The following MICU2 variants were observed in gnomAD, a reference collection of about 807,000 sequenced individuals.
The protein encoded by MICU2 is mitochondrial calcium uptake 2, also known as calcium uptake protein 2, mitochondrial.
A neutral mutation model predicts 60.4 loss-of-function variants in MICU2; 64 were observed. The observed-to-expected ratio is 1.06, with a 90% CI of 0.87 to 1.31. The LOEUF is 1.31. Ranked by LOEUF, MICU2 falls within the 50% of genes most tolerant of loss-of-function variation. MICU2 has a pLI of 0.00. For missense variants in MICU2, 569 were observed against 531.0 expected (o/e 1.07, Z -0.70); for synonymous variants, 201 against 175.0 (o/e 1.15, Z -1.17).
At chr13:21,548,456 T>C (rs1887465566) in intron 2 of MICU2, among the ~76,000 whole-genome samples, 2 of 152,248 alleles carry the variant, frequency 1.3e-5, no homozygotes, top group South Asian at 4.1e-4. Context: ...AAGGCTTTAA[T>C]CTTTTAAAAT....
chr13:21,527,552 A>G (rs9552445), intron 4 of MICU2, among the ~76,000 whole-genome samples: 25,792 of 152,252 alleles, frequency 0.17, 3,628 homozygotes, highest in East Asian at 0.66. Flanking sequence ...TAGTTCTACA[A>G]CAGCATTCTA....
rs142627635 is a variant in MICU2 at position 21,510,033 on chromosome 13, T to C, written c.732A>G (p.Gln244=). 181 of 1,544,754 alleles carry C rather than the reference T, an allele frequency of 1.2e-4. No individual in the cohort carries two copies. Among genetic ancestry groups the C allele is most frequent in the Non-Finnish European group, 1.5e-4 (173 of 1,152,106 alleles). Residue 244 remains glutamine, a synonymous_variant, in exon 8 of 12, where the codon CAA becomes CAG. Coordinates refer to ENST00000382374, the MANE Select transcript of MICU2 (RefSeq NM_152726.3). The part of the protein sequence containing the change: ...LQMRFFGKRG[Q]RKLHYKEFRR... ...GAAATTCTTTATAATGAAGTTTTCT[T>C]TGTCCTCTTTTTCCAAAGAAACGCA...
At chr13:21,519,614 G>C (rs908980383) in intron 6 of MICU2, among the ~76,000 whole-genome samples, 16 of 152,088 alleles carry the variant, frequency 1.1e-4, no homozygotes, top group African/African-American at 3.6e-4. Context: ...TATACTTTCA[G>C]GACTTAATTA....
At chr13:21,519,323 G>A (rs1886658567) in intron 6 of MICU2, among the ~76,000 whole-genome samples, 1 of 152,140 alleles carries the variant, frequency 6.6e-6, no homozygotes, top group South Asian at 2.1e-4. Flanking sequence ...CTCCCAAAGG[G>A]CTGGGATTAC....
At chr13:21,598,267 G>A (rs1027864662) in intron 1 of MICU2, among the ~76,000 whole-genome samples, 1 of 152,018 alleles carries the variant, frequency 6.6e-6, no homozygotes, top group Non-Finnish European at 1.5e-5. Context: ...AAAATTTAGG[G>A]AGTAAATGAA....
At chr13:21,560,024 C>G (rs922943801) in intron 2 of MICU2, among the ~76,000 whole-genome samples, 2 of 152,144 alleles carry the variant, frequency 1.3e-5, no homozygotes, top group Non-Finnish European at 2.9e-5. Flanking sequence ...TGAATGCCTA[C>G]TTACTACTTC....
chr13:21,525,957 C>T (rs1223923978), intron 4 of MICU2, among the ~76,000 whole-genome samples: 1 of 145,588 alleles, frequency 6.9e-6, no homozygotes, highest in Admixed American at 6.7e-5. Context: ...TATTTTTTAA[C>T]AAGGTCTCAC....
chr13:21,561,701 T>A (rs1887846625), intron 2 of MICU2, among the ~76,000 whole-genome samples: 1 of 151,480 alleles, frequency 6.6e-6, no homozygotes, highest in Non-Finnish European at 1.5e-5. Flanking sequence ...TTTTTTTTTT[T>A]TTTTAGTCTC....
At chr13:21,497,076 A>G (rs540736254) in intron 9 of MICU2, among the ~76,000 whole-genome samples, 1 of 150,690 alleles carries the variant, frequency 6.6e-6, no homozygotes, top group Admixed American at 6.6e-5. Context: ...AATACATAAC[A>G]AACAAACAAA....
intron 2 of MICU2, among the ~76,000 whole-genome samples, chr13:21,557,346 T>C (rs1887732502): frequency 1.3e-5 from 2 of 151,888 alleles, no homozygotes; most frequent in South Asian, 2.1e-4. Flanking sequence ...AGAAGGGAAA[T>C]GGTATTCTGG....
intron 2 of MICU2, among the ~76,000 whole-genome samples, chr13:21,560,702 C>A (rs934681201): frequency 3.3e-5 from 5 of 152,096 alleles, no homozygotes; most frequent in African/African-American, 9.7e-5. Context: ...ATTGCAATTA[C>A]ACTGAATTTA....
intron 1 of MICU2, among the ~76,000 whole-genome samples, chr13:21,600,505 CT>C (rs1267039885): frequency 6.6e-6 from 1 of 152,218 alleles, no homozygotes; most frequent in African/African-American, 2.4e-5. Context: ...CCCCATTAAA[CT>C]GTAAGCACAT....
At chr13:21,581,564 T>C (rs1339679223) in intron 1 of MICU2, among the ~76,000 whole-genome samples, 2 of 152,030 alleles carry the variant, frequency 1.3e-5, no homozygotes, top group Non-Finnish European at 2.9e-5. Flanking sequence ...TATTCAAAGA[T>C]CAGGAAAAAT....
At chr13:21,531,509 G>C (rs1460267943) in intron 4 of MICU2, among the ~76,000 whole-genome samples, 2 of 152,136 alleles carry the variant, frequency 1.3e-5, no homozygotes, top group Admixed American at 6.5e-5. Context: ...GTAAGTAATG[G>C]GATTCTTCTA....
intron 2 of MICU2, among the ~76,000 whole-genome samples, chr13:21,560,752 T>C (rs11618032): frequency 0.35 from 52,623 of 152,092 alleles, 9,479 homozygotes; most frequent in South Asian, 0.4. Context: ...GGCCCAATTA[T>C]GCTTGTAGAA....
intron 9 of MICU2, among the ~76,000 whole-genome samples, chr13:21,496,871 C>G (rs1886012481): frequency 6.6e-6 from 1 of 151,856 alleles, no homozygotes; most frequent in African/African-American, 2.4e-5. Context: ...CTAGCTAACA[C>G]CATGAAATCC....
chr13:21,572,062 G>A (rs1053869256), intron 1 of MICU2, among the ~76,000 whole-genome samples: 3 of 147,750 alleles, frequency 2.0e-5, no homozygotes, highest in Non-Finnish European at 2.9e-5. Flanking sequence ...AATAAACTTA[G>A]TTAGTTTCAA....
intron 1 of MICU2, among the ~76,000 whole-genome samples, chr13:21,567,465 T>G (rs1421936780): frequency 1.3e-5 from 2 of 151,760 alleles, no homozygotes; most frequent in Non-Finnish European, 2.9e-5. Context: ...AAGAAGAGAG[T>G]GGCAGAAGAG....
intron 8 of MICU2, among the ~76,000 whole-genome samples, chr13:21,507,767 C>CTAATTTTTG (rs113071111): frequency 3.9e-5 from 6 of 151,982 alleles, no homozygotes; most frequent in African/African-American, 1.4e-4. Context: ...CCTCGCCCGG[C>CTAATTTTTG]TAATTTTTGT....
Sources: gnomAD v4.1 joint callset for allele counts (sites outside exome capture counted in the v4.1 genomes callset) on GRCh38, gnomAD v4.1.1 for gene constraint, MANE v1.5 for transcripts, NCBI Gene and HGNC (gene_info 2026-07-23, HGNC 2026-07-21) for gene names.